The following EDNRA variants were observed in gnomAD, a reference collection of about 807,000 sequenced individuals.
EDNRA encodes endothelin receptor type A, also known as endothelin-1 receptor.
A neutral mutation model predicts 41.4 loss-of-function variants in EDNRA; 11 were observed. The observed-to-expected ratio is 0.27, with a 90% CI of 0.17 to 0.44. EDNRA has a LOEUF of 0.44. EDNRA is among the 20% of genes least tolerant of loss of function. The pLI is 1.00. For synonymous variants in EDNRA, 172 were observed against 183.0 expected (o/e 0.94, Z 0.49); for missense variants, 294 against 531.0 (o/e 0.55, Z 4.39).
At chr4:147,540,591 T>C (rs1256117803) in intron 7 of EDNRA, 106 bp downstream of exon 7, 2 of 728,816 alleles carry the variant, frequency 2.7e-6, no homozygotes, top group Non-Finnish European at 2.2e-6. Flanking sequence ...TCAGCTATAC[T>C]ACTTTTTAGC....
At chr4:147,522,592 T>C (rs1730364491) in intron 3 of EDNRA, among the ~76,000 whole-genome samples, 1 of 152,010 alleles carries the variant, frequency 6.6e-6, no homozygotes, top group African/African-American at 2.4e-5. Flanking sequence ...TGGTGTGTTA[T>C]CTCCACTTTA....
At chr4:147,487,772 CA>C (rs796462594) in intron 2 of EDNRA, among the ~76,000 whole-genome samples, 19 of 152,260 alleles carry the variant, frequency 1.2e-4, no homozygotes, top group African/African-American at 3.8e-4. Flanking sequence ...AACAAACAAT[CA>C]AAAAATTACC....
chr4:147,487,073 G>C (rs1728973479), intron 2 of EDNRA, among the ~76,000 whole-genome samples: 1 of 152,070 alleles, frequency 6.6e-6, no homozygotes, highest in Admixed American at 6.6e-5. Flanking sequence ...GGCAAGAGCA[G>C]GAGCAAGAGA....
chr4:147,518,449 A>G (rs7674137), intron 2 of EDNRA, among the ~76,000 whole-genome samples: 58,514 of 152,046 alleles, frequency 0.38, 16,443 homozygotes, highest in African/African-American at 0.8. Context: ...CTATTGGATT[A>G]AAGAAAAAGG....
intron 1 of EDNRA, among the ~76,000 whole-genome samples, chr4:147,484,933 C>A (rs1578770087): frequency 6.6e-6 from 1 of 152,312 alleles, no homozygotes; most frequent in African/African-American, 2.4e-5. Flanking sequence ...TTTCATAACA[C>A]TTTAGATGGC....
intron 2 of EDNRA, chr4:147,489,313 T>A (rs770087804): frequency 1.3e-5 from 2 of 152,170 alleles, no homozygotes; most frequent in Non-Finnish European, 2.9e-5. Flanking sequence ...CACTCTTAGT[T>A]GCTTTTATGC....
At chr4:147,501,466 C>T (rs1218880926) in intron 2 of EDNRA, among the ~76,000 whole-genome samples, 1 of 152,174 alleles carries the variant, frequency 6.6e-6, no homozygotes, top group Non-Finnish European at 1.5e-5. Context: ...GAAAAAGGTA[C>T]ACATTGAGAA....
At chr4:147,489,947 C>T (rs1729078280) in intron 2 of EDNRA, 1 of 152,112 alleles carries the variant, frequency 6.6e-6, no homozygotes, top group Admixed American at 6.6e-5. Flanking sequence ...TGTCAAAATG[C>T]TATCACTACC....
At chr4:147,512,853 C>A (rs1334736195) in intron 2 of EDNRA, among the ~76,000 whole-genome samples, 1 of 152,138 alleles carries the variant, frequency 6.6e-6, no homozygotes, top group East Asian at 1.9e-4. Flanking sequence ...TCTTGTGTGG[C>A]CTGCCACCAC....
chr4:147,506,230 G>A, intron 2 of EDNRA: 3 of 518,538 alleles, frequency 5.8e-6, no homozygotes, highest in Non-Finnish European at 7.8e-6. Flanking sequence ...CATGATATTG[G>A]CCGAAAAGCA....
chr4:147,509,401 A>G (rs1397959814), intron 2 of EDNRA, among the ~76,000 whole-genome samples: 1 of 152,164 alleles, frequency 6.6e-6, no homozygotes, highest in African/African-American at 2.4e-5. Context: ...TGTTATTTTG[A>G]TTTTGCAGAC....
At position 147,543,168 on chromosome 4, in the gene EDNRA, CAT is replaced by C. The variant is rs1377204153; in HGVS notation, c.*552_*553del. 4 of 151,096 alleles carry C rather than the reference CAT, an allele frequency of 2.6e-5. No homozygotes were observed. Among genetic ancestry groups the C allele is most frequent in the Non-Finnish European group, 5.9e-5 (4 of 67,856 alleles). 9.4% of individuals were successfully genotyped at this position (151,096 alleles called of 1,614,324 possible). Reference sequence around the variant, plus strand: ...ACATGATTATTTGAACTTATTTACACATAGTTTGAAAAAAAAAAGACAAAAAT... The same window carrying C: ...ACATGATTATTTGAACTTATTTACACAGTTTGAAAAAAAAAAGACAAAAAT... On this transcript the variant is annotated 3_prime_UTR_variant, in exon 8 of 8. Coordinates refer to ENST00000651419, the MANE Select transcript of EDNRA (RefSeq NM_001957.4).
At chr4:147,532,331 A>G (rs1730779302) in intron 3 of EDNRA, among the ~76,000 whole-genome samples, 175 bp from the exon 4 acceptor site, 1 of 148,908 alleles carries the variant, frequency 6.7e-6, no homozygotes, top group South Asian at 2.1e-4. Flanking sequence ...GCCTCAAAAA[A>G]AAAAAAAAAA....
At chr4:147,533,876 G>A (rs1730832256) in intron 4 of EDNRA, among the ~76,000 whole-genome samples, 1 of 152,188 alleles carries the variant, frequency 6.6e-6, no homozygotes, top group Non-Finnish European at 1.5e-5. Context: ...GTAAAGGGTA[G>A]CTACCCTTCA....
At chr4:147,532,369 C>G (rs1210004629) in intron 3 of EDNRA, 137 bp from the exon 4 acceptor site, 1 of 590,394 alleles carries the variant, frequency 1.7e-6, no homozygotes, top group Non-Finnish European at 2.9e-6. Flanking sequence ...GTTTTCATAC[C>G]AAGACTCAGA....
At chr4:147,501,464 T>C (rs1213622324) in intron 2 of EDNRA, among the ~76,000 whole-genome samples, 2 of 152,174 alleles carry the variant, frequency 1.3e-5, no homozygotes, top group Non-Finnish European at 2.9e-5. Flanking sequence ...TAGAAAAAGG[T>C]ACACATTGAG....
chr4:147,499,911 T>A (rs1033534307), intron 2 of EDNRA, among the ~76,000 whole-genome samples: 3 of 150,448 alleles, frequency 2.0e-5, no homozygotes, highest in African/African-American at 7.4e-5. Flanking sequence ...TTCAAGCGAT[T>A]CTCCTACCTC....
intron 2 of EDNRA, among the ~76,000 whole-genome samples, chr4:147,507,210 AG>A (rs60595630): frequency 0.17 from 26,175 of 151,016 alleles, 4,609 homozygotes; most frequent in African/African-American, 0.46. Context: ...CCTTATTTTG[AG>A]GGGGGAAAAA....
rs950031861 is a variant in EDNRA at position 147,543,841 on chromosome 4, T to C, written c.*1223T>C. The C allele has an allele frequency of 6.6e-6, 1 of 152,600 alleles. No individual in the cohort carries two copies. The highest frequency in any genetic ancestry group is 2.4e-5 in the African/African-American group (1 of 41,438). The allele number at this position is 152,600 out of a possible 1,614,324, so 9.5% of individuals were successfully genotyped here. A position where few individuals can be genotyped will look rare whatever the true frequency, so the allele number is the denominator to read the frequency against. On this transcript the variant is annotated 3_prime_UTR_variant, in exon 8 of 8. Transcript: ENST00000651419. The stretch of plus-strand genomic sequence containing the variant: ...ACCAGAACTTACGATTCTTCACTTC[T>C]TGGGGTTTTCAGTATGAACCTAACT...
Sources: gnomAD v4.1 joint callset for allele counts (sites outside exome capture counted in the v4.1 genomes callset) on GRCh38, gnomAD v4.1.1 for gene constraint, MANE v1.5 for transcripts, NCBI Gene and HGNC (gene_info 2026-07-23, HGNC 2026-07-21) for gene names.